GOPC: variants seen among roughly 807,000 people sequenced by gnomAD.
GOPC encodes Golgi-associated PDZ and coiled-coil motif-containing protein.
GOPC carries 32 observed loss-of-function variants against 51.2 expected under a neutral mutation model. The observed-to-expected ratio is 0.63, with a 90% CI of 0.47 to 0.84. GOPC has a LOEUF of 0.84. GOPC is among the 40% of genes least tolerant of loss of function. The pLI is 0.00. For missense variants in GOPC, 441 were observed against 555.5 expected (o/e 0.79, Z 2.07); for synonymous variants, 190 against 205.1 (o/e 0.93, Z 0.63).
intron 1 of GOPC, among the ~76,000 whole-genome samples, chr6:117,584,435 G>C (rs1780002210): frequency 6.6e-6 from 1 of 152,098 alleles, no homozygotes; most frequent in Non-Finnish European, 1.5e-5. Context: ...TCCCTTTTTA[G>C]GTTCAATTAG....
At chr6:117,568,476 C>T (rs1320463084) in intron 7 of GOPC, among the ~76,000 whole-genome samples, 2 of 152,154 alleles carry the variant, frequency 1.3e-5, no homozygotes, top group Non-Finnish European at 2.9e-5. Flanking sequence ...TATGGCTGCC[C>T]ATTGATAGCT....
chr6:117,588,524 C>T (rs1780066557), intron 1 of GOPC, among the ~76,000 whole-genome samples: 1 of 152,136 alleles, frequency 6.6e-6, no homozygotes. Flanking sequence ...GATCTGCCCG[C>T]CTCAGCCTCC....
chr6:117,563,231 T>G lies in GOPC; in HGVS notation c.*23A>C, dbSNP rs1358677959. 5.5e-5 allele frequency: 89 copies of G among 1,604,920 alleles called. No homozygotes were observed. Among genetic ancestry groups the G allele is most frequent in the Non-Finnish European group, 7.4e-5 (87 of 1,172,986 alleles). The stretch of plus-strand genomic sequence containing the variant: ...AAATTCAGAATAGTCTGATTAACAA[T>G]CTTGTCTGGAGATATGGTCAATTTA... On this transcript the variant is annotated 3_prime_UTR_variant, in exon 9 of 9. Transcript: ENST00000368498.
chr6:117,582,556 AGAG>A (rs966214147), intron 1 of GOPC, among the ~76,000 whole-genome samples: 53 of 151,566 alleles, frequency 3.5e-4, no homozygotes, highest in African/African-American at 1.2e-3. Flanking sequence ...CAGCCAGTAG[AGAG>A]GAGAAGCAGC....
In GOPC at chr6:117,561,977, T is replaced by C. The variant is rs924971486; in HGVS notation, c.*1277A>G. ...GATACTGATAATATTCTAAAAGCCT[T>C]GTAGGCTTTCTCCCACTTAATATTC... On this transcript the variant is annotated 3_prime_UTR_variant, in exon 9 of 9. Coordinates refer to ENST00000368498, the MANE Select transcript of GOPC (RefSeq NM_020399.4). 30 of 207,132 alleles carry C rather than the reference T, an allele frequency of 1.4e-4. No homozygotes were observed. Among genetic ancestry groups the C allele is most frequent in the African/African-American group, 5.9e-4 (26 of 44,082 alleles). The allele number at this position is 207,132 out of a possible 1,614,324, so 12.8% of individuals were successfully genotyped here. A position where few individuals can be genotyped will look rare whatever the true frequency, so the allele number is the denominator to read the frequency against.
chr6:117,583,612 A>C (rs1378955685), intron 1 of GOPC, among the ~76,000 whole-genome samples: 1 of 152,182 alleles, frequency 6.6e-6, no homozygotes, highest in East Asian at 1.9e-4. Flanking sequence ...ATAACATAAT[A>C]CACATGTAAA....
chr6:117,586,475 C>CTTTTT (rs869148559), intron 1 of GOPC, among the ~76,000 whole-genome samples: 26 of 91,918 alleles, frequency 2.8e-4, no homozygotes, highest in Non-Finnish European at 3.4e-4. Flanking sequence ...CACAGAGATT[C>CTTTTT]TTTTTTTTTT....
At chr6:117,564,047 G>A (rs970424233) in intron 8 of GOPC, among the ~76,000 whole-genome samples, 5 of 149,902 alleles carry the variant, frequency 3.3e-5, no homozygotes, top group African/African-American at 1.2e-4. Flanking sequence ...GCATGATTAC[G>A]GCTCACTGCT....
chr6:117,587,529 A>G (rs1780050236), intron 1 of GOPC, among the ~76,000 whole-genome samples: 2 of 151,612 alleles, frequency 1.3e-5, no homozygotes, highest in East Asian at 3.9e-4. Flanking sequence ...TTATATATAT[A>G]TATAAAACTA....
At chr6:117,583,979 C>T (rs1450989243) in intron 1 of GOPC, among the ~76,000 whole-genome samples, 2 of 152,132 alleles carry the variant, frequency 1.3e-5, no homozygotes, top group Admixed American at 6.5e-5. Context: ...CAATATTATT[C>T]CATCATCTTT....
At position 117,569,622 on chromosome 6, in the gene GOPC, T is replaced by C. The variant is rs1205580446; in HGVS notation, c.1027A>G (p.Asn343Asp). The change falls in exon 7 of 9, where the codon AAC becomes GAC. Residue 343 changes from asparagine to aspartate, a missense_variant. Coordinates refer to ENST00000368498, the MANE Select transcript of GOPC (RefSeq NM_020399.4). ...TCTTTATGCTTTGTGTCCCTTAGGT[T>C]AACTCCGTTGACTGCCAAAATAGCA... The part of the protein sequence containing the change: ...GDAILAVNGV[N>D]LRDTKHKEAV... 2 of 1,613,252 alleles carry C rather than the reference T, an allele frequency of 1.2e-6. No individual in the cohort carries two copies. Among genetic ancestry groups the C allele is most frequent in the Admixed American group, 3.3e-5 (2 of 59,836 alleles).
intron 5 of GOPC, among the ~76,000 whole-genome samples, chr6:117,571,762 T>C (rs1779811300): frequency 6.6e-6 from 1 of 152,112 alleles, no homozygotes; most frequent in African/African-American, 2.4e-5. Flanking sequence ...TTACACACAA[T>C]TAACACTTTT....
At position 117,562,664 on chromosome 6, in the gene GOPC, T is replaced by C. The variant is rs986433507; in HGVS notation, c.*590A>G. ...TTAAAGAAAACTATTTTGTACTGCA[T>C]TGAATAAAGCTGAAATGCAAACTCA... On this transcript the variant is annotated 3_prime_UTR_variant, in exon 9 of 9. Transcript: ENST00000368498. 2 of 205,614 alleles carry C rather than the reference T, an allele frequency of 9.7e-6. No individual in the cohort carries two copies. The highest frequency in any genetic ancestry group is 1.0e-5 in the Non-Finnish European group (1 of 100,410). 12.7% of individuals were successfully genotyped at this position (205,614 alleles called of 1,614,324 possible).
intron 5 of GOPC, among the ~76,000 whole-genome samples, chr6:117,572,198 CT>C (rs1779816868): frequency 1.3e-5 from 2 of 152,110 alleles, no homozygotes; most frequent in Admixed American, 1.3e-4. Flanking sequence ...CAAATCCTTC[CT>C]TTTCTTCTAT....
At chr6:117,577,580 G>A in intron 2 of GOPC, 109 bp from the exon 3 acceptor site, 3 of 793,522 alleles carry the variant, frequency 3.8e-6, no homozygotes, top group South Asian at 1.8e-5. Flanking sequence ...ATATCATTTG[G>A]GTAAAGTTCA....
At chr6:117,575,814 A>G (rs754145749) in intron 3 of GOPC, among the ~76,000 whole-genome samples, 2 of 152,186 alleles carry the variant, frequency 1.3e-5, no homozygotes, top group African/African-American at 2.4e-5. Flanking sequence ...ACATGGTTAC[A>G]TTTGTTCACA....
intron 1 of GOPC, among the ~76,000 whole-genome samples, chr6:117,597,968 T>C (rs539991363): frequency 1.3e-5 from 2 of 151,942 alleles, no homozygotes; most frequent in Non-Finnish European, 2.9e-5. Context: ...AAATCCTGCA[T>C]TGAAGACCAC....
chr6:117,583,943 A>G (rs1779994843), intron 1 of GOPC, among the ~76,000 whole-genome samples: 1 of 152,222 alleles, frequency 6.6e-6, no homozygotes, highest in Non-Finnish European at 1.5e-5. Flanking sequence ...TGAAAACAAA[A>G]TCTATATTGC....
chr6:117,592,399 AAAC>A (rs1471176193), intron 1 of GOPC, among the ~76,000 whole-genome samples: 5 of 152,148 alleles, frequency 3.3e-5, no homozygotes, highest in African/African-American at 1.2e-4. Context: ...TGGTGGCTTA[AAAC>A]AACAACATAA....
Sources: allele counts gnomAD v4.1 joint callset (sites outside exome capture counted in the v4.1 genomes callset), GRCh38; gene constraint gnomAD v4.1.1; transcripts MANE v1.5; gene names NCBI Gene and HGNC (gene_info 2026-07-23, HGNC 2026-07-21).